ZBTB1: variants seen among roughly 807,000 people sequenced by gnomAD.
The protein encoded by ZBTB1 is zinc finger and BTB domain-containing protein 1.
A neutral mutation model predicts 51.6 loss-of-function variants in ZBTB1; 13 were observed. That is an observed-to-expected ratio of 0.25 (90% confidence interval 0.16 to 0.40). ZBTB1 has a LOEUF of 0.40. ZBTB1 is among the 10% of genes least tolerant of loss of function. The probability of loss-of-function intolerance (pLI) is 1.00; values close to 1 mark genes in which losing one functional copy is unlikely to be tolerated. For missense variants in ZBTB1, 567 were observed against 856.5 expected, an observed-to-expected ratio of 0.66 and a Z score of 4.22; for synonymous variants, 240 against 282.2, an observed-to-expected ratio of 0.85 and a Z score of 1.50.
At chr14:64,524,982 G>C, downstream of ZBTB1, 1 of 958,940 alleles carries the variant, frequency 1.0e-6, no homozygotes, top group Non-Finnish European at 1.2e-6. Flanking sequence ...TTGCAATGTA[G>C]TACCCTTTTC....
intron 1 of ZBTB1, among the ~76,000 whole-genome samples, chr14:64,509,199 G>GTCTCTAC (rs1201361993): frequency 6.6e-6 from 1 of 152,148 alleles, no homozygotes; most frequent in African/African-American, 2.4e-5. Flanking sequence ...GCGAAACCCT[G>GTCTCTAC]TCTCTACAAA....
chr14:64,517,029 T>G (rs1343338243), intron 1 of ZBTB1, among the ~76,000 whole-genome samples: 1 of 152,218 alleles, frequency 6.6e-6, no homozygotes. Context: ...TATTTAATAC[T>G]TGAAAGTTTT....
At chr14:64,528,494 T>C (rs10138256), downstream of ZBTB1, among the ~76,000 whole-genome samples, 26,330 of 152,046 alleles carry the variant, frequency 0.17, 2,604 homozygotes, top group Non-Finnish European at 0.22. Context: ...ACTTCTGGGA[T>C]TGCAGGGTAC....
upstream of ZBTB1, chr14:64,503,968 C>T (rs915920985): frequency 2.0e-5 from 3 of 152,112 alleles, no homozygotes; most frequent in Admixed American, 6.5e-5. Context: ...GCAGTTGTGA[C>T]TCTGTAGGCG....
chr14:64,525,846 G>T (rs180865424), downstream of ZBTB1, among the ~76,000 whole-genome samples: 172 of 151,802 alleles, frequency 1.1e-3, no homozygotes, highest in Admixed American at 2.6e-3. Context: ...TTTTTGAGAC[G>T]GAGTCTTACT....
chr14:64,515,303 T>A (rs1353876622), intron 1 of ZBTB1, among the ~76,000 whole-genome samples: 1 of 152,134 alleles, frequency 6.6e-6, no homozygotes, highest in Non-Finnish European at 1.5e-5. Flanking sequence ...CAGCTAGTAG[T>A]ACAAACAAAA....
At chr14:64,511,336 A>G (rs1177686642) in intron 1 of ZBTB1, 2 of 152,094 alleles carry the variant, frequency 1.3e-5, no homozygotes, top group Non-Finnish European at 2.9e-5. Flanking sequence ...CTGGAGAGGG[A>G]GAGAGGAATA....
downstream of ZBTB1, among the ~76,000 whole-genome samples, chr14:64,528,344 C>CTTTTTTTTTTTTTTTT (rs71123857): frequency 1.7e-5 from 2 of 115,538 alleles, no homozygotes; most frequent in Admixed American, 9.1e-5. Flanking sequence ...TTTTTCTTTT[C>CTTTTTTTTTTTTTTTT]TTTTTTTTTT....
At chr14:64,529,560 C>T (rs1048969690), downstream of ZBTB1, among the ~76,000 whole-genome samples, 1 of 151,988 alleles carries the variant, frequency 6.6e-6, no homozygotes, top group Non-Finnish European at 1.5e-5. Flanking sequence ...TTGCTTGAGC[C>T]CAGGAGTTTG....
Position 64,523,746 on chromosome 14 carries a change from G to A in ZBTB1, c.*100G>A, listed in dbSNP as rs2079881647. 7.3e-7 allele frequency: 1 copy of A among 1,368,332 alleles called. No homozygotes were observed. Among genetic ancestry groups the A allele is most frequent in the Admixed American group, 3.4e-5 (1 of 29,130 alleles). The allele number at this position is 1,368,332 out of a possible 1,614,324, so 84.8% of individuals were successfully genotyped here. ...ATTGATTATATAAGATGATTTGTTA[G>A]AAACAAATTTCAAGGCCCTTTTAAC... On this transcript the variant is annotated 3_prime_UTR_variant, in exon 2 of 2. Transcript: ENST00000683701. This position sits in a 1 kb window ranked among gnomAD's most constrained non-coding sequence, Gnocchi z 4.5.
At chr14:64,525,356 C>T (rs970042463), downstream of ZBTB1, among the ~76,000 whole-genome samples, 1 of 152,164 alleles carries the variant, frequency 6.6e-6, no homozygotes, top group South Asian at 2.1e-4. Flanking sequence ...AAAAGTGATT[C>T]ATCTTACCCT....
chr14:64,515,494 A>G (rs2079771180), intron 1 of ZBTB1, among the ~76,000 whole-genome samples: 1 of 151,804 alleles, frequency 6.6e-6, no homozygotes, highest in Non-Finnish European at 1.5e-5. Flanking sequence ...GTGAAATTAT[A>G]ATTTAATGAA....
At position 64,524,223 on chromosome 14, in the gene ZBTB1, A is replaced by G. The variant is rs1234490164; in HGVS notation, c.*577A>G. Reference sequence around the variant, plus strand: ...GTTGACATGGGCTCAAACTTGGCCTAAAAAGATTGATGAACCTGAGGAAAT... The same window carrying G: ...GTTGACATGGGCTCAAACTTGGCCTGAAAAGATTGATGAACCTGAGGAAAT... On this transcript the variant is annotated 3_prime_UTR_variant, in exon 2 of 2. Transcript: ENST00000683701. 1.4e-5 allele frequency: 14 copies of G among 985,036 alleles called. No homozygotes were observed. The highest frequency in any genetic ancestry group is 1.7e-5 in the African/African-American group (1 of 57,206). The allele number at this position is 985,036 out of a possible 1,614,324, so 61.0% of individuals were successfully genotyped here.
intron 1 of ZBTB1, among the ~76,000 whole-genome samples, chr14:64,507,482 A>G (rs1296326357): frequency 6.6e-6 from 1 of 152,154 alleles, no homozygotes; most frequent in African/African-American, 2.4e-5. Context: ...AGAGATAATC[A>G]CCATGTACAG....
chr14:64,517,766 T>C (rs1409467478), intron 1 of ZBTB1, among the ~76,000 whole-genome samples: 15 of 66,424 alleles, frequency 2.3e-4, no homozygotes, highest in Admixed American at 9.7e-4. Flanking sequence ...AATATATATA[T>C]ATATATATAT....
At chr14:64,508,822 G>A (rs757634366) in intron 1 of ZBTB1, among the ~76,000 whole-genome samples, 2 of 152,082 alleles carry the variant, frequency 1.3e-5, no homozygotes, top group Non-Finnish European at 2.9e-5. Context: ...AAACTTACCT[G>A]TTTAAACATT....
rs746190112 is a variant in ZBTB1, at chr14:64,522,731, C to T, written c.1227C>T (p.Asn409=). 1 of 1,614,158 alleles carries T rather than the reference C, an allele frequency of 6.2e-7. No homozygotes were observed. The highest frequency in any genetic ancestry group is 8.5e-7 in the Non-Finnish European group (1 of 1,180,008). The change falls in exon 2 of 2, where the codon AAC becomes AAT. Residue 409 remains asparagine (N), a synonymous_variant. Transcript: ENST00000683701. The stretch of plus-strand genomic sequence containing the variant: ...GTTTAGAGAATATGAGGCCCCCTAA[C>T]AACAGCAGTCCAGTACAAGAGGATG... ...RGGLENMRPP[N]NSSPVQEDAE...
At chr14:64,513,664 T>C (rs140950265) in intron 1 of ZBTB1, among the ~76,000 whole-genome samples, 1 of 152,126 alleles carries the variant, frequency 6.6e-6, no homozygotes, top group Non-Finnish European at 1.5e-5. Context: ...TTATTTTTAT[T>C]TTTATTTTTA....
At chr14:64,525,199 T>G (rs1233232166), downstream of ZBTB1, among the ~76,000 whole-genome samples, 1 of 152,086 alleles carries the variant, frequency 6.6e-6, no homozygotes, top group Non-Finnish European at 1.5e-5. Flanking sequence ...TAGAGCACCA[T>G]GTGAGCTCAG....
Sources: gnomAD v4.1 joint callset for allele counts (sites outside exome capture counted in the v4.1 genomes callset) on GRCh38, gnomAD v4.1.1 for gene constraint, Gnocchi (gnomAD v3.1) non-coding constraint, MANE v1.5 for transcripts, NCBI Gene and HGNC (gene_info 2026-07-23, HGNC 2026-07-21) for gene names.